RIMS1: variants seen among roughly 807,000 people sequenced by gnomAD.
RIMS1 encodes the protein regulating synaptic membrane exocytosis protein 1.
In RIMS1, 83 loss-of-function variants were observed where a neutral mutation model predicts 214.1. The ratio of observed to expected loss-of-function variants is 0.39; its 90% CI spans 0.32 to 0.47. The LOEUF is 0.47. Ranked by LOEUF, RIMS1 falls within the 20% of genes least tolerant of loss-of-function variation. The pLI is 0.99. For synonymous variants in RIMS1, 793 were observed against 786.8 expected (o/e 1.01, Z -0.13); for missense variants, 2,050 against 2,161.8 (o/e 0.95, Z 1.03).
chr6:72,285,109 G>A (rs1428273229), intron 24 of RIMS1, among the ~76,000 whole-genome samples: 2 of 152,074 alleles, frequency 1.3e-5, no homozygotes, highest in Non-Finnish European at 2.9e-5. Context: ...AATTCTGAGA[G>A]GTTAAATGAA....
intron 2 of RIMS1, among the ~76,000 whole-genome samples, chr6:71,988,282 C>T (rs534605790): frequency 6.6e-6 from 1 of 152,202 alleles, no homozygotes; most frequent in African/African-American, 2.4e-5. Flanking sequence ...AGTCTGAATC[C>T]TGATTGCCAC....
intron 1 of RIMS1, among the ~76,000 whole-genome samples, chr6:71,889,592 C>T (rs1160602171): frequency 6.6e-6 from 1 of 152,092 alleles, no homozygotes; most frequent in African/African-American, 2.4e-5. Flanking sequence ...TTTGGAATCC[C>T]AGTTTGCTGC....
At chr6:72,012,487 A>C (rs895026672) in intron 2 of RIMS1, among the ~76,000 whole-genome samples, 3 of 152,226 alleles carry the variant, frequency 2.0e-5, no homozygotes, top group African/African-American at 7.2e-5. Context: ...AATAAAAAAA[A>C]CTGAAAAAAT....
At chr6:72,085,217 G>A (rs535478750) in intron 2 of RIMS1, among the ~76,000 whole-genome samples, 9 of 152,104 alleles carry the variant, frequency 5.9e-5, no homozygotes, top group South Asian at 2.1e-4. Flanking sequence ...GACCAAATAC[G>A]TTTTTAGATA....
At chr6:71,983,054 A>G (rs550565940) in intron 2 of RIMS1, among the ~76,000 whole-genome samples, 21 of 152,086 alleles carry the variant, frequency 1.4e-4, no homozygotes, top group African/African-American at 4.6e-4. Context: ...TTTTCCACCA[A>G]TGATAATCCT....
chr6:72,331,574 G>C (rs1259856043), intron 28 of RIMS1, among the ~76,000 whole-genome samples: 1 of 151,786 alleles, frequency 6.6e-6, no homozygotes, highest in Non-Finnish European at 1.5e-5. Context: ...TTAAGGATGG[G>C]TGGCGTATTA....
At chr6:72,040,512 A>G (rs1013139256) in intron 2 of RIMS1, among the ~76,000 whole-genome samples, 2 of 151,992 alleles carry the variant, frequency 1.3e-5, no homozygotes, top group Non-Finnish European at 2.9e-5. Flanking sequence ...AATTTCTTGA[A>G]CTGAAATTTA....
intron 1 of RIMS1, among the ~76,000 whole-genome samples, chr6:71,912,831 C>T (rs897712691): frequency 4.6e-5 from 7 of 152,124 alleles, no homozygotes; most frequent in African/African-American, 1.7e-4. Flanking sequence ...TTGCTGTCTA[C>T]TGTGAACCCA....
rs72931889 is a variant in RIMS1, at chr6:72,270,494, A to T, written c.3399-3855A>T. 9.6e-3 allele frequency among the ~76,000 whole-genome samples: 1,459 copies of T among 152,270 alleles called. 15 individuals are homozygous for T. The highest frequency in any genetic ancestry group is 0.017 in the Non-Finnish European group (1,154 of 68,016). ...TTTGGGGAGTTTAGGGGCTTAAAAA[A>T]CACCTTCTACTTTTCACTTCAAAGT... On this transcript the variant is annotated intron_variant, in intron 22 of 33. Coordinates refer to ENST00000521978, the MANE Select transcript of RIMS1 (RefSeq NM_014989.7).
intron 22 of RIMS1, among the ~76,000 whole-genome samples, chr6:72,267,430 C>T (rs537373781): frequency 1.3e-3 from 191 of 152,126 alleles, no homozygotes; most frequent in African/African-American, 4.5e-3. Context: ...ATAATGCAAG[C>T]TGATACTTTA....
intron 6 of RIMS1, among the ~76,000 whole-genome samples, chr6:72,209,623 C>T (rs139480968): frequency 3.3e-5 from 5 of 152,182 alleles, no homozygotes; most frequent in East Asian, 1.9e-4. Context: ...AAACACAGGC[C>T]GGGCACGGTG....
At chr6:72,332,507 G>A (rs2096701614) in intron 28 of RIMS1, among the ~76,000 whole-genome samples, 1 of 137,720 alleles carries the variant, frequency 7.3e-6, no homozygotes, top group Non-Finnish European at 1.6e-5. Context: ...GACACAGGAA[G>A]GGGAACATCA....
chr6:71,951,479 T>C (rs1561953115), intron 1 of RIMS1, among the ~76,000 whole-genome samples: 1 of 119,264 alleles, frequency 8.4e-6, no homozygotes, highest in Non-Finnish European at 1.7e-5. Context: ...TTTCTTTTTC[T>C]TTTTTTTTTT....
intron 4 of RIMS1, among the ~76,000 whole-genome samples, chr6:72,168,259 AG>A (rs1338241811): frequency 1.3e-5 from 2 of 152,194 alleles, no homozygotes; most frequent in Non-Finnish European, 2.9e-5. Context: ...AATTTGACTG[AG>A]GGGTTTAAGG....
At chr6:72,104,924 CTTAT>C (rs1322136096) in intron 4 of RIMS1, among the ~76,000 whole-genome samples, 1 of 151,916 alleles carries the variant, frequency 6.6e-6, no homozygotes, top group Non-Finnish European at 1.5e-5. Flanking sequence ...CATCCATTCA[CTTAT>C]TTATTTATTG....
chr6:72,346,893 T>A (rs2097283683), intron 29 of RIMS1, among the ~76,000 whole-genome samples: 1 of 151,802 alleles, frequency 6.6e-6, no homozygotes, highest in Admixed American at 6.6e-5. Context: ...TATAAATATT[T>A]ACTGTCTAGT....
At chr6:71,956,324 G>A (rs184297471) in intron 1 of RIMS1, among the ~76,000 whole-genome samples, 1,555 of 151,676 alleles carry the variant, frequency 0.01, 30 homozygotes, top group African/African-American at 0.036. Flanking sequence ...TGCTTCTCTC[G>A]ACAGGATTTC....
chr6:72,367,976 A>C (rs2098090768), intron 29 of RIMS1, among the ~76,000 whole-genome samples: 1 of 152,164 alleles, frequency 6.6e-6, no homozygotes, highest in Non-Finnish European at 1.5e-5. Flanking sequence ...CTTCAGAAGC[A>C]GGGCTTATCC....
chr6:72,055,988 G>A (rs151314637), intron 2 of RIMS1, among the ~76,000 whole-genome samples: 13 of 151,908 alleles, frequency 8.6e-5, no homozygotes, highest in African/African-American at 1.4e-4. Context: ...CAGTATTCAC[G>A]ATAGCAAAGA....
Sources: allele counts gnomAD v4.1 joint callset (sites outside exome capture counted in the v4.1 genomes callset), GRCh38; gene constraint gnomAD v4.1.1; transcripts MANE v1.5; gene names NCBI Gene and HGNC (gene_info 2026-07-23, HGNC 2026-07-21).